The following CELF2 variants were observed in gnomAD, a reference collection of about 807,000 sequenced individuals.
CELF2 encodes CUG triplet repeat RNA-binding protein 2.
CELF2 carries 8 observed loss-of-function variants against 62.6 expected under a neutral mutation model. That is an observed-to-expected ratio of 0.13 (90% confidence interval 0.07 to 0.23). The LOEUF (loss-of-function observed/expected upper bound fraction) is 0.23. CELF2 is among the 10% of genes least tolerant of loss of function. CELF2 has a pLI of 1.00. For synonymous variants in CELF2, 258 were observed against 250.0 expected, an observed-to-expected ratio of 1.03 and a Z score of -0.30; for missense variants, 333 against 671.0, an observed-to-expected ratio of 0.50 and a Z score of 5.56.
At chr10:10,545,984 A>C in the CELF2 span, among the ~76,000 whole-genome samples, 1 of 152,192 alleles carries the variant, frequency 6.6e-6, no homozygotes, top group Non-Finnish European at 1.5e-5. Context: ...TTCCTGGAGA[A>C]AGGGAACAAT....
rs77137555 is a variant in CELF2, at chr10:11,195,106, C to T, written c.272-22319C>T. On this transcript the variant is annotated intron_variant, in intron 2 of 12. Transcript: ENST00000633077. ...TTGGAAGCTGTAGAAATCTATGATA[C>T]TCATCGTCAGCATTCGACCATGAAC... Among the ~76,000 whole-genome samples, 14 of 152,318 alleles carry T rather than the reference C, an allele frequency of 9.2e-5. No individual in the cohort carries two copies. The East Asian group carries it at 2.3e-3, about 25-fold the overall frequency.
At chr10:10,507,037 A>G in the CELF2 span, among the ~76,000 whole-genome samples, 1 of 152,080 alleles carries the variant, frequency 6.6e-6, no homozygotes, top group Admixed American at 6.6e-5. Context: ...AGACCACATG[A>G]TGGAGATTTG....
chr10:11,245,895 G>A (rs1263588898), intron 3 of CELF2, among the ~76,000 whole-genome samples: 1 of 152,182 alleles, frequency 6.6e-6, no homozygotes, highest in Non-Finnish European at 1.5e-5. Context: ...GAGAAGCAGT[G>A]TGGTTTAGGG....
intron 1 of CELF2, among the ~76,000 whole-genome samples, chr10:11,131,036 C>G (rs2059545973): frequency 6.6e-6 from 1 of 152,304 alleles, no homozygotes; most frequent in South Asian, 2.1e-4. Flanking sequence ...TTGTTAACCA[C>G]AAAAATCTTG....
chr10:11,196,684 G>A (rs926585829), intron 2 of CELF2, among the ~76,000 whole-genome samples: 7 of 151,216 alleles, frequency 4.6e-5, no homozygotes, highest in South Asian at 2.1e-4. Flanking sequence ...AGAACCGGGC[G>A]CAGTGGCTCA....
chr10:10,516,863 A>C, the CELF2 span, among the ~76,000 whole-genome samples: 2 of 152,250 alleles, frequency 1.3e-5, no homozygotes, highest in African/African-American at 4.8e-5. Flanking sequence ...CTTCTCAGAC[A>C]ATCCCTCTCA....
chr10:10,835,500 A>G (rs1035464966), intron 1 of CELF2, among the ~76,000 whole-genome samples: 4 of 151,542 alleles, frequency 2.6e-5, no homozygotes, highest in African/African-American at 9.7e-5. Context: ...CTCCTGCCTC[A>G]GCCTCCTCAG....
chr10:10,575,122 A>G, the CELF2 span, among the ~76,000 whole-genome samples: 1 of 152,154 alleles, frequency 6.6e-6, no homozygotes, highest in Non-Finnish European at 1.5e-5. Flanking sequence ...AGCCTTCACA[A>G]TTTAATAATA....
At chr10:10,628,749 G>T in the CELF2 span, among the ~76,000 whole-genome samples, 1 of 152,036 alleles carries the variant, frequency 6.6e-6, no homozygotes, top group African/African-American at 2.4e-5. Context: ...CGCAATAAAT[G>T]CAGCACACCA....
intron 3 of CELF2, among the ~76,000 whole-genome samples, chr10:11,230,936 C>T (rs1331984081): frequency 6.6e-6 from 1 of 152,206 alleles, no homozygotes; most frequent in Non-Finnish European, 1.5e-5. Context: ...ACTCGAAATT[C>T]GTTACCAGGA....
At chr10:10,825,005 C>T (rs901966137) in intron 1 of CELF2, among the ~76,000 whole-genome samples, 2 of 152,030 alleles carry the variant, frequency 1.3e-5, no homozygotes, top group Non-Finnish European at 2.9e-5. Context: ...TTTTAATAAG[C>T]GTTTGTAATT....
At chr10:10,516,376 A>G in the CELF2 span, among the ~76,000 whole-genome samples, 4 of 152,290 alleles carry the variant, frequency 2.6e-5, no homozygotes, top group South Asian at 8.3e-4. Context: ...AGTTTCCAAT[A>G]TACTTTTACT....
At chr10:11,213,741 T>C (rs578097816) in intron 2 of CELF2, among the ~76,000 whole-genome samples, 16 of 152,346 alleles carry the variant, frequency 1.1e-4, no homozygotes, top group South Asian at 2.1e-4. Context: ...CACTAATTGC[T>C]GTATCTAAGC....
At chr10:10,496,727 T>A in the CELF2 span, among the ~76,000 whole-genome samples, 171 of 152,308 alleles carry the variant, frequency 1.1e-3, 2 homozygotes, top group African/African-American at 4.0e-3. Flanking sequence ...GAATATACAC[T>A]GTACCCTTGT....
chr10:10,739,548 C>T, the CELF2 span, among the ~76,000 whole-genome samples: 43 of 152,174 alleles, frequency 2.8e-4, no homozygotes, highest in Admixed American at 1.3e-4. Context: ...CTTACATAAT[C>T]ATAGTGAAAG....
At chr10:10,704,823 A>G in the CELF2 span, among the ~76,000 whole-genome samples, 1 of 152,072 alleles carries the variant, frequency 6.6e-6, no homozygotes, top group African/African-American at 2.4e-5. Context: ...AGAGAATGCC[A>G]TCCCTGTTAG....
rs566921817 is a variant in CELF2, at chr10:11,319,622, G to A, written c.1097-1567G>A. Among the ~76,000 whole-genome samples the A allele has an allele frequency of 5.3e-5, 8 of 152,114 alleles. No individual in the cohort carries two copies. The highest frequency in any genetic ancestry group is 1.9e-4 in the African/African-American group (8 of 41,486). On this transcript the variant is annotated intron_variant, in intron 10 of 12. Transcript: ENST00000633077. This position sits in a 1 kb window ranked among gnomAD's most constrained non-coding sequence, Gnocchi z 4.4. ...AGCAGACACAGCAGGGCCTCAGCTGGCAACACCTCTGAACTGAGCCTGCAC... is the reference window on the plus strand; with the variant it reads ...AGCAGACACAGCAGGGCCTCAGCTGACAACACCTCTGAACTGAGCCTGCAC...
chr10:11,007,821 T>C (rs902273899), intron 1 of CELF2, among the ~76,000 whole-genome samples: 1 of 152,168 alleles, frequency 6.6e-6, no homozygotes, highest in African/African-American at 2.4e-5. Context: ...GTGGCCCGCT[T>C]AAAGAAACGA....
At chr10:10,864,431 G>A (rs985193425) in intron 1 of CELF2, among the ~76,000 whole-genome samples, 28 of 152,122 alleles carry the variant, frequency 1.8e-4, no homozygotes, top group African/African-American at 6.3e-4. Context: ...AGCTCAGGCT[G>A]CCGTAACAAA....
Sources: gnomAD v4.1 joint callset for allele counts (sites outside exome capture counted in the v4.1 genomes callset) on GRCh38, gnomAD v4.1.1 for gene constraint, Gnocchi (gnomAD v3.1) non-coding constraint, MANE v1.5 for transcripts, NCBI Gene and HGNC (gene_info 2026-07-23, HGNC 2026-07-21) for gene names.